PTPN13: variants seen among roughly 807,000 people sequenced by gnomAD.
PTPN13 encodes the protein protein tyrosine phosphatase non-receptor type 13, also known as tyrosine-protein phosphatase non-receptor type 13.
A neutral mutation model predicts 284.0 loss-of-function variants in PTPN13; 191 were observed. The observed-to-expected ratio is 0.67, with a 90% confidence interval of 0.60 to 0.76. PTPN13 has a LOEUF of 0.76. Among genes scored for constraint, PTPN13 ranks in the 30% least tolerant of loss-of-function variants. The probability of loss-of-function intolerance (pLI) is 0.00; values close to 1 mark genes in which losing one functional copy is unlikely to be tolerated. For synonymous variants in PTPN13, 986 were observed against 1,022.3 expected (o/e 0.96, Z 0.68); for missense variants, 2,797 against 2,939.9 (o/e 0.95, Z 1.12).
intron 2 of PTPN13, among the ~76,000 whole-genome samples, chr4:86,645,097 T>C (rs138782895): frequency 1.3e-5 from 2 of 152,150 alleles, no homozygotes; most frequent in South Asian, 4.2e-4. Context: ...TAGTCCCAGC[T>C]ATTCAAGAGG....
intron 1 of PTPN13, among the ~76,000 whole-genome samples, chr4:86,613,568 C>T (rs936153822): frequency 2.7e-5 from 4 of 148,970 alleles, no homozygotes; most frequent in South Asian, 2.1e-4. Flanking sequence ...CGGGAGGCGG[C>T]GCTTGCAGTG....
chr4:86,732,247 T>G (rs968047902), intron 10 of PTPN13, among the ~76,000 whole-genome samples, 153 bp from the exon 11 acceptor site: 2 of 152,240 alleles, frequency 1.3e-5, no homozygotes, highest in South Asian at 2.1e-4. Flanking sequence ...TACCTCTTCA[T>G]GAAAGCTTCA....
chr4:86,697,857 A>G (rs538034303), intron 6 of PTPN13, among the ~76,000 whole-genome samples: 110 of 152,320 alleles, frequency 7.2e-4, no homozygotes, highest in Middle Eastern at 3.4e-3. Context: ...ATCACATATA[A>G]CAAAAATAGT....
chr4:86,773,435 T>G (rs1472800148), intron 32 of PTPN13, among the ~76,000 whole-genome samples: 2 of 152,196 alleles, frequency 1.3e-5, no homozygotes, highest in African/African-American at 4.8e-5. Flanking sequence ...CACACTTTTT[T>G]TGTGTGCTCA....
At chr4:86,682,245 A>T (rs1485411068) in intron 3 of PTPN13, among the ~76,000 whole-genome samples, 1 of 152,106 alleles carries the variant, frequency 6.6e-6, no homozygotes, top group African/African-American at 2.4e-5. Flanking sequence ...AATCATCACT[A>T]TCAAAGGCAC....
chr4:86,743,024 C>T (rs1350762304), intron 16 of PTPN13, among the ~76,000 whole-genome samples: 1 of 152,116 alleles, frequency 6.6e-6, no homozygotes, highest in Non-Finnish European at 1.5e-5. Context: ...GAAGTTCTTT[C>T]TCTAACACAA....
intron 1 of PTPN13, among the ~76,000 whole-genome samples, chr4:86,595,509 G>A (rs1763584328): frequency 6.6e-6 from 1 of 152,098 alleles, no homozygotes; most frequent in African/African-American, 2.4e-5. Flanking sequence ...AATGGAGAGA[G>A]GAGGATGGGG....
intron 1 of PTPN13, among the ~76,000 whole-genome samples, chr4:86,618,753 C>G (rs1010198779): frequency 6.6e-6 from 1 of 152,134 alleles, no homozygotes; most frequent in African/African-American, 2.4e-5. Context: ...TATAAGAATA[C>G]TTGTGATTTT....
intron 1 of PTPN13, among the ~76,000 whole-genome samples, chr4:86,595,083 G>C (rs930725040): frequency 3.9e-5 from 6 of 152,144 alleles, no homozygotes. Flanking sequence ...GAAACCCACA[G>C]GGGGAGTAAG....
rs1740492450 is a variant in PTPN13, at chr4:86,775,236, CA to C, written c.5578del (p.Thr1860GlnfsTer4). The C allele has an allele frequency of 6.2e-7, 1 of 1,613,308 alleles. No homozygotes were observed. Among genetic ancestry groups the C allele is most frequent in the Non-Finnish European group, 8.5e-7 (1 of 1,179,520 alleles). On this transcript the variant is annotated frameshift_variant, in exon 34 of 48. Transcript: ENST00000411767. LOFTEE classifies it high-confidence loss of function. The part of the protein sequence containing the change: ...DAVNLLRAAS[K>X]TVRLVIGRVL... The stretch of plus-strand genomic sequence containing the variant: ...CAGTTAATCTGCTCCGGGCTGCATC[CA>C]AAACAGTCAGATTAGTTATTGGACG...
At chr4:86,685,542 T>G (rs543805533) in intron 3 of PTPN13, among the ~76,000 whole-genome samples, 1 of 152,116 alleles carries the variant, frequency 6.6e-6, no homozygotes, top group African/African-American at 2.4e-5. Flanking sequence ...GATCCAGGAG[T>G]TTGAAGCAAC....
In PTPN13 at chr4:86,765,496, G is replaced by A; in HGVS notation, c.4243+8G>A. The A allele has an allele frequency of 6.4e-7, 1 of 1,551,092 alleles. No homozygotes were observed. Among genetic ancestry groups the A allele is most frequent in the African/African-American group, 1.4e-5 (1 of 73,406 alleles). On this transcript the variant is annotated splice_region_variant and intron_variant, in intron 26 of 47. Coordinates refer to ENST00000411767, the MANE Select transcript of PTPN13 (RefSeq NM_080683.3). ...ATGGTAGAATTCACAAAGGTATAGT[G>A]TTTATATTATGTGGGAATTATATGT...
In PTPN13 at chr4:86,780,463, A is replaced by G. The variant is rs752012730; in HGVS notation, c.5953A>G (p.Lys1985Glu). 1 of 1,601,326 alleles carries G rather than the reference A, an allele frequency of 6.2e-7. No homozygotes were observed. Among genetic ancestry groups the G allele is most frequent in the East Asian group, 2.2e-5 (1 of 44,798 alleles). The change falls in exon 36 of 48, where the codon AAA becomes GAA. Residue 1985 changes from lysine (K) to glutamate (E), a missense_variant. By Grantham distance (56) the Lys-to-Glu change is moderately conservative. Transcript: ENST00000411767. ...TGCTGTTTCAGCTCCAAAGTCAACC[A>G]AAGGCAATGGTAAGGATATATTCAT... ...RSAVSAPKST[K>E]GNGSYSVGSC... is the part of the protein sequence containing the mutation.
In PTPN13 at chr4:86,683,300, T is replaced by C. The variant is rs574843428; in HGVS notation, c.295-3410T>C. Among the ~76,000 whole-genome samples, 5 of 152,246 alleles carry C rather than the reference T, an allele frequency of 3.3e-5. No homozygotes were observed. In the East Asian group the frequency reaches 9.7e-4, roughly 29 times the overall value. ...AGGAGAGCCAATGATGTAGTTCAAG[T>C]CTGAGTCCGAAGGTCAGAGAAACAG... On this transcript the variant is annotated intron_variant, in intron 3 of 47. Transcript: ENST00000411767.
intron 13 of PTPN13, 21 bp downstream of exon 13, chr4:86,734,477 C>T (rs780312401): frequency 6.6e-7 from 1 of 1,506,196 alleles, no homozygotes; most frequent in South Asian, 1.3e-5. Flanking sequence ...AAGAGTTTCT[C>T]TTTTGCTCTT....
At position 86,724,942 on chromosome 4, in the gene PTPN13, T is replaced by C. The variant is rs370907570; in HGVS notation, c.1608+2508T>C. On this transcript the variant is annotated intron_variant, in intron 10 of 47. Transcript: ENST00000411767. ...ATCAACTCATCATTTACATTAGGTG[T>C]TTCTCCTAATGCTATCCCTCCCCCA... is the stretch of plus-strand genomic sequence containing the variant. Among the ~76,000 whole-genome samples the C allele has an allele frequency of 2.5e-4, 38 of 152,164 alleles. 1 individual carries two copies. The South Asian group carries it at 7.9e-3, about 32-fold the overall frequency.
At chr4:86,690,356 T>C (rs1344254505) in intron 5 of PTPN13, 1 of 152,186 alleles carries the variant, frequency 6.6e-6, no homozygotes, top group Non-Finnish European at 1.5e-5. Flanking sequence ...GTTTTAAAAA[T>C]TCCTCTATGA....
intron 1 of PTPN13, among the ~76,000 whole-genome samples, chr4:86,616,409 G>A (rs62308410): frequency 0.35 from 53,130 of 151,810 alleles, 10,498 homozygotes; most frequent in South Asian, 0.5. Context: ...AATGAAGTGA[G>A]GCAGCTCAGA....
At chr4:86,641,478 T>C (rs1723780913) in intron 2 of PTPN13, among the ~76,000 whole-genome samples, 10 of 152,168 alleles carry the variant, frequency 6.6e-5, no homozygotes. Flanking sequence ...AAGAAAATTA[T>C]CTGTTTCTTC....
Sources: allele counts gnomAD v4.1 joint callset (sites outside exome capture counted in the v4.1 genomes callset), GRCh38; gene constraint gnomAD v4.1.1; transcripts MANE v1.5; gene names NCBI Gene and HGNC (gene_info 2026-07-23, HGNC 2026-07-21).